SLC35F1: variants seen among roughly 807,000 people sequenced by gnomAD.
The protein encoded by SLC35F1 is solute carrier family 35 member F1, also known as chromosome 6 open reading frame 169.
In SLC35F1, 14 loss-of-function variants were observed where a neutral mutation model predicts 48.7. The ratio of observed to expected loss-of-function variants is 0.29; its 90% CI spans 0.19 to 0.45. The LOEUF (loss-of-function observed/expected upper bound fraction) is 0.45. SLC35F1 is among the 20% of genes least tolerant of loss of function. The pLI is 1.00. For missense variants in SLC35F1, 404 were observed against 500.0 expected (o/e 0.81, Z 1.83); for synonymous variants, 190 against 202.2 (o/e 0.94, Z 0.51).
Position 117,948,306 on chromosome 6 carries a change from G to A in SLC35F1, c.173+40407G>A, listed in dbSNP as rs1015586702. 7.9e-5 allele frequency among the ~76,000 whole-genome samples: 12 copies of A among 152,238 alleles called. No homozygotes were observed. In the South Asian group the frequency reaches 2.5e-3, roughly 32 times the overall value. ...ATTTCTTTGGATTTGAACTGGTACT[G>A]AAAAATTATTTAAGCTACCATATCT... On this transcript the variant is annotated intron_variant, in intron 1 of 7. Transcript: ENST00000360388.
At chr6:118,099,803 T>C (rs1041692931) in intron 1 of SLC35F1, among the ~76,000 whole-genome samples, 1 of 152,274 alleles carries the variant, frequency 6.6e-6, no homozygotes, top group African/African-American at 2.4e-5. Flanking sequence ...CTGTAACACA[T>C]GGGCAGATTG....
chr6:118,059,879 A>C (rs534186389), intron 1 of SLC35F1, among the ~76,000 whole-genome samples: 2 of 152,184 alleles, frequency 1.3e-5, no homozygotes, highest in Non-Finnish European at 2.9e-5. Flanking sequence ...TAATGATACC[A>C]TTTTTATAGA....
In SLC35F1 at chr6:118,046,381, C is replaced by T. The variant is rs531614803; in HGVS notation, c.174-108064C>T. On this transcript the variant is annotated intron_variant, in intron 1 of 7. Coordinates refer to ENST00000360388, the MANE Select transcript of SLC35F1 (RefSeq NM_001029858.4). ...TTACATACTTGTCTATTCTGTCTTT[C>T]TGAAAATAAGAGATGAATTAGATAA... Among the ~76,000 whole-genome samples, 3 of 152,214 alleles carry T rather than the reference C, an allele frequency of 2.0e-5. No homozygotes were observed. The East Asian group carries it at 5.8e-4, about 29-fold the overall frequency.
intron 2 of SLC35F1, among the ~76,000 whole-genome samples, chr6:118,229,154 C>T (rs540960188): frequency 6.6e-6 from 1 of 152,050 alleles, no homozygotes; most frequent in Admixed American, 6.6e-5. Context: ...CCTCACCCCA[C>T]CCCATGTGCA....
intron 7 of SLC35F1, among the ~76,000 whole-genome samples, chr6:118,297,658 A>ATG (rs1192457860): frequency 7.4e-6 from 1 of 134,744 alleles, no homozygotes; most frequent in Non-Finnish European, 1.6e-5. Context: ...TATATAATAT[A>ATG]TATAATATTA....
chr6:118,234,443 A>G (rs1400519846), intron 2 of SLC35F1, among the ~76,000 whole-genome samples: 1 of 152,154 alleles, frequency 6.6e-6, no homozygotes, highest in Non-Finnish European at 1.5e-5. Flanking sequence ...CCTTGGGGTA[A>G]GGGACCAATG....
intron 1 of SLC35F1, among the ~76,000 whole-genome samples, chr6:118,052,786 A>G (rs909168227): frequency 2.6e-5 from 4 of 152,238 alleles, no homozygotes; most frequent in African/African-American, 7.2e-5. Flanking sequence ...TTAGAATTTT[A>G]TGAGAGAACA....
intron 1 of SLC35F1, among the ~76,000 whole-genome samples, chr6:118,031,440 T>C (rs1354890832): frequency 6.6e-6 from 1 of 152,190 alleles, no homozygotes; most frequent in Non-Finnish European, 1.5e-5. Context: ...CTGCTGGAAG[T>C]TCTACTGCAG....
chr6:118,285,996 T>C (rs1024173227), intron 7 of SLC35F1, among the ~76,000 whole-genome samples: 4 of 152,174 alleles, frequency 2.6e-5, no homozygotes, highest in Non-Finnish European at 5.9e-5. Context: ...TAATTGATTA[T>C]GGCACACTGA....
At chr6:118,070,742 T>G (rs930214067) in intron 1 of SLC35F1, among the ~76,000 whole-genome samples, 3 of 150,118 alleles carry the variant, frequency 2.0e-5, no homozygotes, top group Admixed American at 6.7e-5. Flanking sequence ...TTATGATAGA[T>G]GAATACTTAG....
intron 3 of SLC35F1, among the ~76,000 whole-genome samples, chr6:118,245,187 T>C (rs1413640260): frequency 6.6e-6 from 1 of 152,214 alleles, no homozygotes. Flanking sequence ...CTAATCTTTA[T>C]AGTGAACCTT....
chr6:117,907,973 TG>T (rs959508966), intron 1 of SLC35F1, 74 bp downstream of exon 1: 62 of 1,251,508 alleles, frequency 5.0e-5, no homozygotes, highest in Non-Finnish European at 4.6e-5. Flanking sequence ...CCTCCGTCCC[TG>T]GGGCGGCCCA....
At chr6:118,011,915 G>T (rs1777253892) in intron 1 of SLC35F1, among the ~76,000 whole-genome samples, 1 of 152,158 alleles carries the variant, frequency 6.6e-6, no homozygotes, top group Non-Finnish European at 1.5e-5. Flanking sequence ...ATCTTTATTT[G>T]TCTCTGCTTC....
At chr6:118,102,239 A>G (rs1773268261) in intron 1 of SLC35F1, among the ~76,000 whole-genome samples, 1 of 152,204 alleles carries the variant, frequency 6.6e-6, no homozygotes, top group Non-Finnish European at 1.5e-5. Context: ...CCTGAAGTGC[A>G]GTGGTGCAAT....
chr6:118,071,016 TATATATATTCTAC>T (rs1220501009), intron 1 of SLC35F1, among the ~76,000 whole-genome samples: 19 of 140,160 alleles, frequency 1.4e-4, no homozygotes, highest in African/African-American at 5.1e-4. Flanking sequence ...ATACACGTAG[TATATATATTCTAC>T]GTGTATATAT....
chr6:118,246,075 C>A (rs143399253), intron 3 of SLC35F1, among the ~76,000 whole-genome samples: 1 of 152,102 alleles, frequency 6.6e-6, no homozygotes, highest in African/African-American at 2.4e-5. Flanking sequence ...CCAGGGATAC[C>A]GGGCCTGGTT....
At chr6:118,163,499 A>T (rs1774271473) in intron 2 of SLC35F1, among the ~76,000 whole-genome samples, 1 of 152,058 alleles carries the variant, frequency 6.6e-6, no homozygotes, top group Non-Finnish European at 1.5e-5. Context: ...ATACTTTATT[A>T]ATGAATGTCT....
At chr6:118,221,448 C>T (rs1775149890) in intron 2 of SLC35F1, among the ~76,000 whole-genome samples, 1 of 152,108 alleles carries the variant, frequency 6.6e-6, no homozygotes, top group Non-Finnish European at 1.5e-5. Context: ...GAAATAAGGA[C>T]ATGGAAGTAA....
chr6:118,001,094 A>C (rs912217321), intron 1 of SLC35F1, among the ~76,000 whole-genome samples: 6 of 152,150 alleles, frequency 3.9e-5, no homozygotes, highest in African/African-American at 1.2e-4. Context: ...AATTGGAAAA[A>C]ACTATTTTAA....
Sources: gnomAD v4.1 joint callset for allele counts (sites outside exome capture counted in the v4.1 genomes callset) on GRCh38, gnomAD v4.1.1 for gene constraint, MANE v1.5 for transcripts, NCBI Gene and HGNC (gene_info 2026-07-23, HGNC 2026-07-21) for gene names.